ANKRD28: variants seen among roughly 807,000 people sequenced by gnomAD.
ANKRD28 encodes the protein serine/threonine-protein phosphatase 6 regulatory ankyrin repeat subunit A.
In ANKRD28, 44 loss-of-function variants were observed where a neutral mutation model predicts 126.5. That is an observed-to-expected ratio of 0.35 (90% confidence interval 0.27 to 0.45). The LOEUF is 0.45. Among genes scored for constraint, ANKRD28 ranks in the 20% least tolerant of loss-of-function variants. The pLI is 1.00. For missense variants in ANKRD28, 1,110 were observed against 1,316.6 expected (o/e 0.84, Z 2.43); for synonymous variants, 442 against 468.5 (o/e 0.94, Z 0.73).
chr3:15,780,157 A>G (rs1056471138), intron 2 of ANKRD28, among the ~76,000 whole-genome samples: 3 of 152,222 alleles, frequency 2.0e-5, no homozygotes, highest in African/African-American at 7.2e-5. Flanking sequence ...ATGATCTTAC[A>G]CAGAGAAATC....
chr3:15,763,454 G>A (rs1360315373), intron 3 of ANKRD28, among the ~76,000 whole-genome samples: 1 of 152,194 alleles, frequency 6.6e-6, no homozygotes, highest in Non-Finnish European at 1.5e-5. Context: ...CTAACTGCCT[G>A]CCTTCTTGGA....
Position 15,797,107 on chromosome 3 carries a change from C to T in ANKRD28, c.-586G>A. 1 of 982,342 alleles carries T rather than the reference C, an allele frequency of 1.0e-6. No homozygotes were observed. Among genetic ancestry groups the T allele is most frequent in the South Asian group, 4.7e-5 (1 of 21,090 alleles). The allele number at this position is 982,342 out of a possible 1,614,324, so 60.9% of individuals were successfully genotyped here. A position where few individuals can be genotyped will look rare whatever the true frequency, so the allele number is the denominator to read the frequency against. Reference sequence around the variant, plus strand: ...CTTCATCACTGGTTTAATGCAGATACTATTCACAGAAAAAAGATCTAGAGC... The same window carrying T: ...CTTCATCACTGGTTTAATGCAGATATTATTCACAGAAAAAAGATCTAGAGC... On this transcript the variant is annotated 5_prime_UTR_variant, in exon 1 of 28. Transcript: ENST00000683139.
Position 15,679,508 on chromosome 3 carries a change from T to G in ANKRD28, c.2445A>C (p.Glu815Asp). The change falls in exon 22 of 28, where the codon GAA (glutamate) becomes GAC (aspartate). Residue 815 changes from glutamate (E) to aspartate (D), a missense_variant. Glu to Asp is a conservative substitution (Grantham distance 45). Coordinates refer to ENST00000683139, the MANE Select transcript of ANKRD28 (RefSeq NM_001349278.2). ...AATGCAATGGACTAAAAGCATTTCC[T>G]TCCGTTTTCTGGAAAACTTCCTGTT... Reference protein sequence around the residue: ...LLEQEVFQKTEGNAFSPLHCA... With the variant: ...LLEQEVFQKTDGNAFSPLHCA... 1 of 1,613,792 alleles carries G rather than the reference T, an allele frequency of 6.2e-7. No individual in the cohort carries two copies. Among genetic ancestry groups the G allele is most frequent in the East Asian group, 2.2e-5 (1 of 44,864 alleles).
chr3:15,735,965 A>T (rs931202873), intron 5 of ANKRD28, among the ~76,000 whole-genome samples: 1 of 152,212 alleles, frequency 6.6e-6, no homozygotes, highest in South Asian at 2.1e-4. Context: ...TAATAATTGC[A>T]ACTAACCATA....
At chr3:15,745,371 C>T (rs1575504066) in intron 4 of ANKRD28, among the ~76,000 whole-genome samples, 1 of 152,094 alleles carries the variant, frequency 6.6e-6, no homozygotes, top group African/African-American at 2.4e-5. Flanking sequence ...GTCTTTGATC[C>T]ACCTTGAGTT....
chr3:15,674,067 G>A (rs2066654114), intron 27 of ANKRD28, among the ~76,000 whole-genome samples: 1 of 149,430 alleles, frequency 6.7e-6, no homozygotes, highest in African/African-American at 2.5e-5. Flanking sequence ...AGCTACTTGG[G>A]AGGCTGAGGT....
At chr3:15,782,750 A>G (rs147909447) in intron 2 of ANKRD28, among the ~76,000 whole-genome samples, 2 of 152,272 alleles carry the variant, frequency 1.3e-5, no homozygotes, top group Non-Finnish European at 2.9e-5. Flanking sequence ...TCAAACAATC[A>G]GAACTAACTG....
chr3:15,694,886 C>T, intron 16 of ANKRD28, 73 bp from the exon 17 acceptor site: 2 of 1,362,430 alleles, frequency 1.5e-6, no homozygotes. Context: ...CCACCCAGTT[C>T]AAATCCACCT....
At chr3:15,759,637 T>C (rs1472948435) in intron 3 of ANKRD28, among the ~76,000 whole-genome samples, 4 of 152,206 alleles carry the variant, frequency 2.6e-5, no homozygotes, top group South Asian at 4.1e-4. Flanking sequence ...GTCACCAAAA[T>C]ATAAAAGAGA....
chr3:15,673,786 G>GTT (rs2066623642), intron 27 of ANKRD28, among the ~76,000 whole-genome samples: 1 of 152,188 alleles, frequency 6.6e-6, no homozygotes, highest in Non-Finnish European at 1.5e-5. Context: ...GTATAACCCT[G>GTT]CTATGGAGGG....
Position 15,696,191 on chromosome 3 carries a change from T to C in ANKRD28, c.1602A>G (p.Gln534=), listed in dbSNP as rs2470549. The change falls in exon 15 of 28, where the codon CAA becomes CAG. Residue 534 remains glutamine (Q), a synonymous_variant. Coordinates refer to ENST00000683139, the MANE Select transcript of ANKRD28 (RefSeq NM_001349278.2). ...NDANPGIRDK[Q]GYNAVHYSAA... ...CTGAATAATGAACTGCGTTGTATCC[T>C]TGCTTATCACGGATCCCTGGATTTG... is the stretch of plus-strand genomic sequence containing the variant. The C allele has an allele frequency of 0.57, 897,885 of 1,579,676 alleles. 264,219 individuals are homozygous for C. The highest frequency in any genetic ancestry group is 0.62 in the Admixed American group (35,232 of 56,914).
chr3:15,748,312 T>G (rs888244472), intron 4 of ANKRD28, among the ~76,000 whole-genome samples: 1 of 151,974 alleles, frequency 6.6e-6, no homozygotes, highest in Admixed American at 6.6e-5. Context: ...TTTAAGGAGG[T>G]TCTATTTTGG....
chr3:15,841,240 T>G (rs747036265), intron 1 of ANKRD28, among the ~76,000 whole-genome samples: 52 of 152,274 alleles, frequency 3.4e-4, no homozygotes, highest in Non-Finnish European at 6.6e-4. Context: ...ACTATGAAAC[T>G]ACTGAAAGAA....
chr3:15,846,366 C>CCA lies in ANKRD28; in HGVS notation c.27+13009_27+13010dup, dbSNP rs1306603345. On this transcript the variant is annotated intron_variant, in intron 1 of 27. Coordinates refer to the ANKRD28 transcript ENST00000399451. This position sits in a 1 kb window ranked among gnomAD's most constrained non-coding sequence, Gnocchi z 5.4. ...AGCTCCAAAATAATCTCCTTTGACT[C>CCA]CATGTCTCACATCCAGGGCACACTG... is the stretch of plus-strand genomic sequence containing the variant. 6.6e-6 allele frequency among the ~76,000 whole-genome samples: 1 copy of CCA among 152,244 alleles called. No individual in the cohort carries two copies. Among genetic ancestry groups the CCA allele is most frequent in the African/African-American group, 2.4e-5 (1 of 41,462 alleles).
In ANKRD28 at chr3:15,669,676, A is replaced by T. The variant is rs1027526018; in HGVS notation, c.*594T>A. The T allele has an allele frequency of 4.7e-5, 7 of 148,244 alleles. No individual in the cohort carries two copies. The highest frequency in any genetic ancestry group is 1.7e-4 in the African/African-American group (7 of 40,246). The allele number at this position is 148,244 out of a possible 1,614,324, so 9.2% of individuals were successfully genotyped here. A position where few individuals can be genotyped will look rare whatever the true frequency, so the allele number is the denominator to read the frequency against. ...TTGGAAGGCTTTCAGATGTTTTCTT[A>T]AAAAAAAAACAAAACCCAAAAAAAC... On this transcript the variant is annotated 3_prime_UTR_variant, in exon 28 of 28. Transcript: ENST00000683139.
chr3:15,807,427 A>T (rs1450794105), intron 1 of ANKRD28, among the ~76,000 whole-genome samples: 1 of 152,266 alleles, frequency 6.6e-6, no homozygotes, highest in Non-Finnish European at 1.5e-5. Flanking sequence ...GGTAATTGCA[A>T]GGAAATCATT....
At position 15,766,237 on chromosome 3, in the gene ANKRD28, A is replaced by T. The variant is rs751986867; in HGVS notation, c.277T>A (p.Ser93Thr). The T allele has an allele frequency of 6.2e-7, 1 of 1,609,884 alleles. No homozygotes were observed. The highest frequency in any genetic ancestry group is 8.5e-7 in the Non-Finnish European group (1 of 1,177,246). ...TATTACTCAGAGGTTACCATACCAG[A>T]TAAAATAAGAAGTTCAATGATTTCT... The part of the protein sequence containing the change: ...DAEIIELLIL[S>T]GARVNAKDSK... Residue 93 changes from serine to threonine, a missense_variant, in exon 3 of 28, where the codon TCT becomes ACT. By Grantham distance (58) the Ser-to-Thr change is moderately conservative (BLOSUM62 1). Transcript: ENST00000683139.
chr3:15,755,376 GAA>G (rs1384652272), intron 3 of ANKRD28, among the ~76,000 whole-genome samples: 1 of 152,150 alleles, frequency 6.6e-6, no homozygotes, highest in East Asian at 1.9e-4. Flanking sequence ...CCTGTAAAAT[GAA>G]AAAGAGTGTA....
At chr3:15,811,124 G>A (rs914434839) in intron 1 of ANKRD28, among the ~76,000 whole-genome samples, 30 of 152,286 alleles carry the variant, frequency 2.0e-4, no homozygotes, top group Admixed American at 9.1e-4. Flanking sequence ...GGAAATAACA[G>A]CACACCAGAC....
Sources: gnomAD v4.1 joint callset for allele counts (sites outside exome capture counted in the v4.1 genomes callset) on GRCh38, gnomAD v4.1.1 for gene constraint, Gnocchi (gnomAD v3.1) non-coding constraint, MANE v1.5 for transcripts, NCBI Gene and HGNC (gene_info 2026-07-23, HGNC 2026-07-21) for gene names.